Variants in AQP9 observed in about 807,000 individuals in gnomAD.
AQP9 encodes aquaporin 9.
Under a neutral mutation model 23.8 loss-of-function variants are expected in AQP9, and 19 were observed. The ratio of observed to expected loss-of-function variants is 0.80; its 90% CI spans 0.56 to 1.17. The LOEUF (loss-of-function observed/expected upper bound fraction) is 1.17. AQP9 is among the 50% of genes most tolerant of loss of function. The pLI, the probability that AQP9 is intolerant of heterozygous loss-of-function variation, is 0.00. For synonymous variants in AQP9, 153 were observed against 131.5 expected (o/e 1.16, Z -1.12); for missense variants, 413 against 362.0 (o/e 1.14, Z -1.14).
chr15:58,169,086 C>G (rs1404286698), intron 2 of AQP9, among the ~76,000 whole-genome samples: 1 of 152,142 alleles, frequency 6.6e-6, no homozygotes, highest in Admixed American at 6.5e-5. Flanking sequence ...AGGGAAAGAA[C>G]CAGCAGGAAG....
intron 4 of AQP9, among the ~76,000 whole-genome samples, chr15:58,178,434 G>T (rs185165743): frequency 1.6e-4 from 25 of 152,214 alleles, no homozygotes; most frequent in Admixed American, 1.2e-3. Context: ...CCACGTTTTA[G>T]ATTATTTCCA....
At chr15:58,164,748 C>T (rs552350743) in intron 1 of AQP9, among the ~76,000 whole-genome samples, 5 of 152,028 alleles carry the variant, frequency 3.3e-5, no homozygotes, top group Non-Finnish European at 5.9e-5. Context: ...GCATCATCTA[C>T]GTAATTTCTC....
intron 1 of AQP9, 156 bp from the exon 2 acceptor site, chr15:58,166,517 T>C: frequency 1.1e-6 from 1 of 915,444 alleles, no homozygotes; most frequent in African/African-American, 1.7e-5. Context: ...ACCATTTTGC[T>C]ATCTGTGTAT....
chr15:58,172,017 TCAGA>T (rs1241940180), intron 2 of AQP9, among the ~76,000 whole-genome samples: 1 of 152,206 alleles, frequency 6.6e-6, no homozygotes, highest in Non-Finnish European at 1.5e-5. Context: ...GCCTATATGC[TCAGA>T]CAATTTTTTT....
chr15:58,172,955 A>G, intron 2 of AQP9, 113 bp from the exon 3 acceptor site: 1 of 1,347,334 alleles, frequency 7.4e-7, no homozygotes, highest in Non-Finnish European at 1.0e-6. Flanking sequence ...CTTTCTCCTC[A>G]TAGGCAGTAG....
At chr15:58,164,973 T>G (rs925061987) in intron 1 of AQP9, among the ~76,000 whole-genome samples, 1 of 152,324 alleles carries the variant, frequency 6.6e-6, no homozygotes. Context: ...ATTATCTTCC[T>G]GATAAAAAGC....
chr15:58,139,284 T>C (rs1296065174), intron 1 of AQP9, among the ~76,000 whole-genome samples: 2 of 152,192 alleles, frequency 1.3e-5, no homozygotes, highest in African/African-American at 2.4e-5. Flanking sequence ...CTAAATATCT[T>C]TGGAGATTTA....
chr15:58,162,208 C>A (rs56200593), intron 1 of AQP9, among the ~76,000 whole-genome samples: 2 of 152,108 alleles, frequency 1.3e-5, no homozygotes, highest in Non-Finnish European at 2.9e-5. Context: ...ACACTGACAA[C>A]GTAGAGCTTA....
chr15:58,140,541 T>C (rs1433489243), intron 1 of AQP9, among the ~76,000 whole-genome samples: 3 of 152,220 alleles, frequency 2.0e-5, no homozygotes, highest in African/African-American at 7.2e-5. Flanking sequence ...CTTGTGGGGA[T>C]GTATAAACAA....
At chr15:58,142,731 C>A (rs1566979361) in intron 1 of AQP9, among the ~76,000 whole-genome samples, 1 of 152,222 alleles carries the variant, frequency 6.6e-6, no homozygotes, top group Non-Finnish European at 1.5e-5. Flanking sequence ...ACTTCTCTGT[C>A]TTGCTTTCTG....
intron 2 of AQP9, among the ~76,000 whole-genome samples, chr15:58,171,621 A>G (rs1170441085): frequency 2.0e-5 from 3 of 152,194 alleles, no homozygotes; most frequent in African/African-American, 7.2e-5. Context: ...TTAGGAAATC[A>G]TCTGTGCTTC....
At chr15:58,164,896 ACC>A (rs1898465118) in intron 1 of AQP9, among the ~76,000 whole-genome samples, 1 of 152,156 alleles carries the variant, frequency 6.6e-6, no homozygotes, top group African/African-American at 2.4e-5. Flanking sequence ...TCTTTGTGCA[ACC>A]TTTCATATTT....
chr15:58,144,101 A>G (rs1897997439), intron 1 of AQP9, among the ~76,000 whole-genome samples: 1 of 152,222 alleles, frequency 6.6e-6, no homozygotes, highest in African/African-American at 2.4e-5. Flanking sequence ...TGTATTTACT[A>G]AACGTTTAGG....
intron 1 of AQP9, among the ~76,000 whole-genome samples, chr15:58,162,058 T>C (rs2140611004): frequency 6.6e-6 from 1 of 152,314 alleles, no homozygotes; most frequent in African/African-American, 2.4e-5. Flanking sequence ...AACAGTTAAA[T>C]AACATTCCAT....
rs1187666872 is a variant in AQP9 at position 58,184,137 on chromosome 15, G to C, written c.*2G>C. The C allele has an allele frequency of 1.2e-6, 2 of 1,613,116 alleles. No individual in the cohort carries two copies. Among genetic ancestry groups the C allele is most frequent in the African/African-American group, 2.7e-5 (2 of 74,880 alleles). On this transcript the variant is annotated 3_prime_UTR_variant, in exon 6 of 6. Transcript: ENST00000219919. The stretch of plus-strand genomic sequence containing the variant: ...TATGAACTCAGTGTCATCATGTAGT[G>C]GCATGCTCAGCTCTGGATTTGCAGT...
chr15:58,144,754 G>A (rs1417988353), intron 1 of AQP9, among the ~76,000 whole-genome samples: 1 of 152,134 alleles, frequency 6.6e-6, no homozygotes, highest in East Asian at 1.9e-4. Flanking sequence ...GGTGGCTCAT[G>A]CCTGTAATCC....
intron 2 of AQP9, among the ~76,000 whole-genome samples, chr15:58,170,282 C>T (rs2140622249): frequency 6.6e-6 from 1 of 152,292 alleles, no homozygotes; most frequent in South Asian, 2.1e-4. Flanking sequence ...TCCTCTCCAG[C>T]CCTTTTCCTC....
At chr15:58,157,243 A>C (rs1182812160) in intron 1 of AQP9, among the ~76,000 whole-genome samples, 2 of 152,218 alleles carry the variant, frequency 1.3e-5, no homozygotes, top group Non-Finnish European at 2.9e-5. Context: ...GCAGTCACAC[A>C]GAACTCATGT....
At chr15:58,153,060 T>TAA (rs1898180702) in intron 1 of AQP9, 1 of 152,214 alleles carries the variant, frequency 6.6e-6, no homozygotes, top group African/African-American at 2.4e-5. Context: ...TCTTTTTTAC[T>TAA]AATTGGCTGA....
Sources: gnomAD v4.1 joint callset for allele counts (sites outside exome capture counted in the v4.1 genomes callset) on GRCh38, gnomAD v4.1.1 for gene constraint, MANE v1.5 for transcripts, NCBI Gene and HGNC (gene_info 2026-07-23, HGNC 2026-07-21) for gene names.